ZNF804B: variants seen among roughly 807,000 people sequenced by gnomAD.
ZNF804B encodes zinc finger 804B.
Under a neutral mutation model 101.4 loss-of-function variants are expected in ZNF804B, and 80 were observed. The ratio of observed to expected loss-of-function variants is 0.79; its 90% CI spans 0.66 to 0.95. The LOEUF is 0.95. Ranked by LOEUF, ZNF804B falls within the 40% of genes least tolerant of loss-of-function variation. The pLI is 0.00. For missense variants in ZNF804B, 1,673 were observed against 1,561.9 expected, an observed-to-expected ratio of 1.07 and a Z score of -1.20; for synonymous variants, 622 against 558.8, an observed-to-expected ratio of 1.11 and a Z score of -1.59.
intron 1 of ZNF804B, among the ~76,000 whole-genome samples, chr7:88,911,113 G>A (rs1286465200): frequency 6.6e-6 from 1 of 151,958 alleles, no homozygotes; most frequent in Non-Finnish European, 1.5e-5. Context: ...AAAGAACAGT[G>A]AAACAATGTT....
At chr7:89,065,968 A>G (rs148471089) in intron 1 of ZNF804B, among the ~76,000 whole-genome samples, 452 of 152,240 alleles carry the variant, frequency 3.0e-3, no homozygotes, top group Middle Eastern at 0.01. Context: ...GTAAATTTTG[A>G]GGATTAGAAA....
At chr7:89,121,666 A>G (rs564150992) in intron 1 of ZNF804B, among the ~76,000 whole-genome samples, 3 of 152,212 alleles carry the variant, frequency 2.0e-5, no homozygotes, top group Admixed American at 1.3e-4. Context: ...AGCTTCTGCA[A>G]ATTTCTATAC....
At chr7:88,873,447 T>G (rs1791872359) in intron 1 of ZNF804B, among the ~76,000 whole-genome samples, 1 of 152,214 alleles carries the variant, frequency 6.6e-6, no homozygotes, top group Non-Finnish European at 1.5e-5. Context: ...GTAGTTTCTT[T>G]TGCTGTGCAG....
intron 2 of ZNF804B, among the ~76,000 whole-genome samples, chr7:89,230,027 C>T (rs6970769): frequency 0.71 from 108,063 of 151,828 alleles, 39,111 homozygotes; most frequent in African/African-American, 0.77. Context: ...TTGTGGAATG[C>T]GGCAAAGAGT....
chr7:89,257,455 A>G (rs1340141460), intron 2 of ZNF804B, among the ~76,000 whole-genome samples: 1 of 152,068 alleles, frequency 6.6e-6, no homozygotes, highest in Non-Finnish European at 1.5e-5. Context: ...AATTTAATGC[A>G]TTATCTATCC....
At chr7:88,805,142 C>G (rs529206046) in intron 1 of ZNF804B, among the ~76,000 whole-genome samples, 2 of 152,108 alleles carry the variant, frequency 1.3e-5, no homozygotes, top group Admixed American at 1.3e-4. Flanking sequence ...TGATGAGTTA[C>G]ACATTTAATG....
Position 89,327,494 on chromosome 7 carries a change from G to A in ZNF804B, c.380+20G>A, listed in dbSNP as rs2115983346. 1 of 1,599,134 alleles carries A rather than the reference G, an allele frequency of 6.3e-7. No homozygotes were observed. Among genetic ancestry groups the A allele is most frequent in the Non-Finnish European group, 8.5e-7 (1 of 1,174,736 alleles). Reference sequence around the variant, plus strand: ...TGAATGGTAAGAATTAAAGGTGTCTGGGATGCTTCAAAACTCTCGTCAACC... The same window carrying A: ...TGAATGGTAAGAATTAAAGGTGTCTAGGATGCTTCAAAACTCTCGTCAACC... On this transcript the variant is annotated intron_variant, in intron 3 of 3. Transcript: ENST00000333190.
chr7:89,171,655 G>A (rs747629192), intron 1 of ZNF804B, among the ~76,000 whole-genome samples: 10 of 151,932 alleles, frequency 6.6e-5, no homozygotes, highest in South Asian at 2.1e-4. Context: ...GGCTGGTCTC[G>A]AACTCCTGAC....
chr7:89,141,222 A>G (rs1790711122), intron 1 of ZNF804B, among the ~76,000 whole-genome samples: 1 of 152,072 alleles, frequency 6.6e-6, no homozygotes, highest in Non-Finnish European at 1.5e-5. Flanking sequence ...CACCATAACA[A>G]ATATAATAAT....
At chr7:88,765,964 A>G (rs917172232) in intron 1 of ZNF804B, among the ~76,000 whole-genome samples, 6 of 152,194 alleles carry the variant, frequency 3.9e-5, no homozygotes, top group Non-Finnish European at 5.9e-5. Flanking sequence ...TTTCAGTTGT[A>G]GCTAAGACAC....
At chr7:88,823,977 A>G (rs1791019614) in intron 1 of ZNF804B, among the ~76,000 whole-genome samples, 1 of 152,130 alleles carries the variant, frequency 6.6e-6, no homozygotes, top group African/African-American at 2.4e-5. Context: ...GCAGATGGCA[A>G]CTCACAGATT....
At chr7:89,326,645 CT>C (rs1292870823) in intron 2 of ZNF804B, among the ~76,000 whole-genome samples, 1 of 151,922 alleles carries the variant, frequency 6.6e-6, no homozygotes, top group Non-Finnish European at 1.5e-5. Context: ...ATTAGCTGTG[CT>C]TAGTGGCAGA....
At chr7:88,921,226 G>C (rs1471474011) in intron 1 of ZNF804B, among the ~76,000 whole-genome samples, 1 of 152,020 alleles carries the variant, frequency 6.6e-6, no homozygotes, top group African/African-American at 2.4e-5. Flanking sequence ...AGAATGCAAA[G>C]TTGGTGGAAG....
At chr7:89,208,401 G>A (rs1329399220) in intron 1 of ZNF804B, among the ~76,000 whole-genome samples, 1 of 152,112 alleles carries the variant, frequency 6.6e-6, no homozygotes, top group Non-Finnish European at 1.5e-5. Context: ...TGGTTGTTAA[G>A]CAACTCTGCA....
chr7:88,865,096 C>T (rs1475703212), intron 1 of ZNF804B, among the ~76,000 whole-genome samples: 1 of 151,716 alleles, frequency 6.6e-6, no homozygotes, highest in Admixed American at 6.6e-5. Flanking sequence ...GGCGTGGTGA[C>T]CCATGCCTGT....
chr7:89,206,254 G>T (rs1788712714), intron 1 of ZNF804B, among the ~76,000 whole-genome samples: 1 of 150,294 alleles, frequency 6.7e-6, no homozygotes, highest in South Asian at 2.1e-4. Flanking sequence ...GACATGCCCT[G>T]GAGAGGTTTT....
intron 1 of ZNF804B, among the ~76,000 whole-genome samples, chr7:89,103,062 T>TGTTTGTTTTG (rs1306999141): frequency 4.2e-4 from 57 of 135,202 alleles, no homozygotes; most frequent in African/African-American, 1.6e-3. Context: ...TTTTTTTTTT[T>TGTTTGTTTTG]TTTTTTTTTT....
intron 1 of ZNF804B, among the ~76,000 whole-genome samples, chr7:89,081,402 T>A (rs1789696178): frequency 6.6e-6 from 1 of 151,774 alleles, no homozygotes; most frequent in Non-Finnish European, 1.5e-5. Flanking sequence ...CTTGTCCTTT[T>A]TAGAGTAACA....
At chr7:88,774,044 G>C (rs543918773) in intron 1 of ZNF804B, among the ~76,000 whole-genome samples, 5 of 151,924 alleles carry the variant, frequency 3.3e-5, no homozygotes, top group South Asian at 2.1e-4. Flanking sequence ...TGAGGTAAGG[G>C]GCATCTGAAA....
Sources: gnomAD v4.1 joint callset for allele counts (sites outside exome capture counted in the v4.1 genomes callset) on GRCh38, gnomAD v4.1.1 for gene constraint, MANE v1.5 for transcripts, NCBI Gene and HGNC (gene_info 2026-07-23, HGNC 2026-07-21) for gene names.